The following MAMLD1 variants were observed in gnomAD, a reference collection of about 807,000 sequenced individuals.
MAMLD1 encodes the protein mastermind like domain containing 1.
A neutral mutation model predicts 45.0 loss-of-function variants in MAMLD1; 14 were observed. The observed-to-expected ratio is 0.31, with a 90% CI of 0.21 to 0.49. MAMLD1 has a LOEUF of 0.49. MAMLD1 is among the 20% of genes least tolerant of loss of function. The pLI, the probability that MAMLD1 is intolerant of heterozygous loss-of-function variation, is 0.99. For synonymous variants in MAMLD1, 254 were observed against 247.8 expected, an observed-to-expected ratio of 1.02 and a Z score of -0.24; for missense variants, 543 against 603.6, an observed-to-expected ratio of 0.90 and a Z score of 1.05.
At chrX:150,475,592 T>C (rs1557406823) in intron 5 of MAMLD1, among the ~76,000 whole-genome samples, 1 of 112,151 alleles carries the variant, frequency 8.9e-6, no homozygotes, top group Admixed American at 9.4e-5. Context: ...CACATGACTT[T>C]GGGGCAGCTG....
intron 1 of MAMLD1, among the ~76,000 whole-genome samples, chrX:150,430,320 C>T (rs1232838525): frequency 9.0e-6 from 1 of 111,051 alleles, no homozygotes; most frequent in Non-Finnish European, 1.9e-5. Context: ...TGTCTTCTTA[C>T]TGTTAAGTTT....
chrX:150,479,732 A>C (rs1569564940), intron 5 of MAMLD1, among the ~76,000 whole-genome samples: 1 of 111,973 alleles, frequency 8.9e-6, no homozygotes, highest in Non-Finnish European at 1.9e-5. Context: ...AACACAGAAC[A>C]CCATATGGAG....
At chrX:150,504,112 G>A in intron 6 of MAMLD1, 1 of 753,062 alleles carries the variant, frequency 1.3e-6, no homozygotes, top group Non-Finnish European at 1.6e-6. Context: ...TCCAAAGCAA[G>A]CTTGTCCAAG....
chrX:150,399,218 G>A (rs781946678), intron 1 of MAMLD1, among the ~76,000 whole-genome samples: 63 of 111,735 alleles, frequency 5.6e-4, no homozygotes, highest in Non-Finnish European at 1.0e-3. Context: ...AGGATAAACC[G>A]GGGCAGTGGA....
intron 2 of MAMLD1, among the ~76,000 whole-genome samples, chrX:150,449,842 G>A (rs1248194240): frequency 3.6e-5 from 4 of 111,115 alleles, no homozygotes; most frequent in East Asian, 5.7e-4. Flanking sequence ...TGTAGTTCTC[G>A]GTGAAACCTG....
At chrX:150,449,872 C>T (rs782067646) in intron 2 of MAMLD1, among the ~76,000 whole-genome samples, 1 of 111,844 alleles carries the variant, frequency 8.9e-6, no homozygotes, top group South Asian at 3.8e-4. Context: ...GTTTGAGCGT[C>T]TCTCTTGTGC....
intron 5 of MAMLD1, among the ~76,000 whole-genome samples, chrX:150,491,949 A>C (rs2037201833): frequency 8.9e-6 from 1 of 111,903 alleles, no homozygotes; most frequent in East Asian, 2.8e-4. Context: ...CCTGCTAGGG[A>C]GCCTTCCCAG....
chrX:150,394,401 T>C (rs2124501651), intron 1 of MAMLD1, among the ~76,000 whole-genome samples: 1 of 110,469 alleles, frequency 9.1e-6, no homozygotes, highest in African/African-American at 3.3e-5. Context: ...TGTTCTTCTC[T>C]GTCAATATTT....
intron 1 of MAMLD1, among the ~76,000 whole-genome samples, chrX:150,433,028 T>G (rs1217236483): frequency 1.8e-5 from 2 of 112,383 alleles, no homozygotes; most frequent in African/African-American, 6.5e-5. Context: ...ACAATATTGA[T>G]TCTTTCTATC....
At chrX:150,425,260 A>G (rs781874975) in intron 1 of MAMLD1, among the ~76,000 whole-genome samples, 1 of 111,605 alleles carries the variant, frequency 9.0e-6, no homozygotes, top group South Asian at 3.8e-4. Context: ...GCATATATCT[A>G]GGAGTGGAAT....
At chrX:150,426,056 G>A (rs782727581) in intron 1 of MAMLD1, among the ~76,000 whole-genome samples, 24 of 111,297 alleles carry the variant, frequency 2.2e-4, no homozygotes, top group African/African-American at 7.2e-4. Flanking sequence ...CCTGCTTGTT[G>A]GGCTCCAAAG....
chrX:150,428,231 G>A (rs1219652810), intron 1 of MAMLD1, among the ~76,000 whole-genome samples: 1 of 111,655 alleles, frequency 9.0e-6, no homozygotes, highest in Non-Finnish European at 1.9e-5. Context: ...TGACTAAGGT[G>A]TGAGTACAGT....
At chrX:150,509,799 A>C in intron 6 of MAMLD1, 163 bp from the exon 7 acceptor site, 11 of 460,345 alleles carry the variant, frequency 2.4e-5, no homozygotes, top group South Asian at 3.1e-5. Flanking sequence ...TACCTGTGGA[A>C]TTTTGCTCGA....
intron 2 of MAMLD1, among the ~76,000 whole-genome samples, chrX:150,446,593 A>G (rs898015582): frequency 8.9e-6 from 1 of 112,568 alleles, no homozygotes; most frequent in Non-Finnish European, 1.9e-5. Context: ...ACCACCAACA[A>G]TGTATTGAGA....
intron 1 of MAMLD1, among the ~76,000 whole-genome samples, chrX:150,435,856 C>A (rs2124582177): frequency 8.9e-6 from 1 of 112,409 alleles, no homozygotes; most frequent in Non-Finnish European, 1.9e-5. Context: ...GTGGTAACAA[C>A]CTTTCCTTTC....
At position 150,463,965 on chromosome X, in the gene MAMLD1, G is replaced by A. The variant is rs1569671; in HGVS notation, c.171+1119G>A. Among the ~76,000 whole-genome samples the A allele has an allele frequency of 0.018, 2,055 of 112,010 alleles. 83 individuals carry two copies. The East Asian group carries it at 0.2, about 11-fold the overall frequency. On this transcript the variant is annotated intron_variant, in intron 3 of 7. Transcript: ENST00000370401. ...TAAGAAAGCAACAGAGGCCCAACAC[G>A]AAGACACAGGGCCTTGAGAATGATA...
intron 1 of MAMLD1, among the ~76,000 whole-genome samples, chrX:150,366,090 A>G (rs1392415578): frequency 8.9e-6 from 1 of 112,118 alleles, no homozygotes; most frequent in Non-Finnish European, 1.9e-5. Flanking sequence ...AAAAGTGACA[A>G]ATAAGGAAAG....
chrX:150,505,526 C>T (rs1181592455), intron 6 of MAMLD1, among the ~76,000 whole-genome samples: 2 of 112,051 alleles, frequency 1.8e-5, no homozygotes, highest in African/African-American at 6.5e-5. Context: ...CAATACCTTC[C>T]CGTCAGGGTC....
chrX:150,439,774 A>C (rs1382569105), intron 1 of MAMLD1, among the ~76,000 whole-genome samples: 2 of 111,199 alleles, frequency 1.8e-5, no homozygotes, highest in African/African-American at 6.6e-5. Flanking sequence ...GTCTCTACCA[A>C]AAATACAAAA....
Sources: allele counts gnomAD v4.1 joint callset (sites outside exome capture counted in the v4.1 genomes callset), GRCh38; gene constraint gnomAD v4.1.1; transcripts MANE v1.5; gene names NCBI Gene and HGNC (gene_info 2026-07-23, HGNC 2026-07-21).